Variants in PIK3R4 observed in about 807,000 individuals in gnomAD.
PIK3R4 encodes the protein phosphoinositide-3-kinase regulatory subunit 4.
A neutral mutation model predicts 136.5 loss-of-function variants in PIK3R4; 46 were observed. That is an observed-to-expected ratio of 0.34 (90% confidence interval 0.27 to 0.43). PIK3R4 has a LOEUF of 0.43. Among genes scored for constraint, PIK3R4 ranks in the 20% least tolerant of loss-of-function variants. The pLI is 1.00. For missense variants in PIK3R4, 1,331 were observed against 1,649.5 expected (o/e 0.81, Z 3.35); for synonymous variants, 557 against 566.7 (o/e 0.98, Z 0.24).
chr3:130,717,125 C>T (rs899730564), intron 8 of PIK3R4, among the ~76,000 whole-genome samples: 3 of 151,956 alleles, frequency 2.0e-5, no homozygotes, highest in Admixed American at 6.5e-5. Flanking sequence ...TGGATGAGTA[C>T]TGCTAAAAGT....
At chr3:130,705,450 C>T (rs898163203) in intron 12 of PIK3R4, 111 bp downstream of exon 12, 7 of 696,394 alleles carry the variant, frequency 1.0e-5, no homozygotes, top group East Asian at 5.1e-5. Flanking sequence ...TCCCAAATAA[C>T]ATTTTTGTTC....
At chr3:130,735,510 C>T (rs901012227) in intron 3 of PIK3R4, among the ~76,000 whole-genome samples, 9 of 152,068 alleles carry the variant, frequency 5.9e-5, no homozygotes, top group Non-Finnish European at 1.3e-4. Context: ...ATTTCCTGTC[C>T]CCTCCATTTC....
chr3:130,712,248 A>T (rs1342201739), intron 9 of PIK3R4, among the ~76,000 whole-genome samples: 1 of 152,218 alleles, frequency 6.6e-6, no homozygotes, highest in African/African-American at 2.4e-5. Flanking sequence ...ATGTGTCTCA[A>T]GTACAGTCCC....
Position 130,679,388 on chromosome 3 carries a change from A to G in PIK3R4, c.4004T>C (p.Val1335Ala). The G allele has an allele frequency of 6.2e-7, 1 of 1,613,242 alleles. No individual in the cohort carries two copies. The highest frequency in any genetic ancestry group is 1.7e-5 in the Admixed American group (1 of 60,014). Residue 1335 changes from valine to alanine, a missense_variant, in exon 20 of 20, where the codon GTC becomes GCC. Physicochemically the swap from Val to Ala is moderately conservative, Grantham distance 64. Coordinates refer to ENST00000356763, the MANE Select transcript of PIK3R4 (RefSeq NM_014602.3). ...PVGHHDIITD[V>A]ATFQTTQGFI... ...GCCCTGTGTGGTCTGGAATGTGGCG[A>G]CATCAGTGATGATGTCATGATGTCC...
intron 3 of PIK3R4, among the ~76,000 whole-genome samples, chr3:130,734,488 C>T (rs549405795): frequency 6.6e-6 from 1 of 152,320 alleles, no homozygotes; most frequent in South Asian, 2.1e-4. Flanking sequence ...TGTATACACA[C>T]AATTTTTGCA....
intron 8 of PIK3R4, among the ~76,000 whole-genome samples, chr3:130,718,183 G>A (rs1204088318): frequency 6.6e-6 from 1 of 152,118 alleles, no homozygotes; most frequent in Non-Finnish European, 1.5e-5. Flanking sequence ...GATATAACAT[G>A]ATGTAAAACA....
chr3:130,734,992 T>C (rs1350271896), intron 3 of PIK3R4, among the ~76,000 whole-genome samples: 1 of 152,136 alleles, frequency 6.6e-6, no homozygotes, highest in Non-Finnish European at 1.5e-5. Context: ...TTAAACAAAT[T>C]CACTTCTTTC....
At chr3:130,717,638 A>G (rs1460875143) in intron 8 of PIK3R4, among the ~76,000 whole-genome samples, 1 of 152,230 alleles carries the variant, frequency 6.6e-6, no homozygotes, top group Admixed American at 6.5e-5. Context: ...CCTAGTTTCC[A>G]GAGTTTATCC....
chr3:130,680,653 G>T lies in PIK3R4; in HGVS notation c.3866C>A (p.Ser1289Tyr), dbSNP rs2066452139. ...VAGSTSSPSV[S>Y]YYRKIIEGTE... is the part of the protein sequence containing the mutation. The stretch of plus-strand genomic sequence containing the variant: ...GCCTTCAATTATTTTCCTGTAGTAG[G>T]ACACAGATGGGGAACTAGTACTTCC... Residue 1289 changes from serine to tyrosine, a missense_variant, in exon 19 of 20, where the codon TCC becomes TAC. Ser to Tyr is a moderately radical substitution (Grantham distance 144, BLOSUM62 -2). Around this residue, in one of 2 missense-constraint regions of PIK3R4, gnomAD observed 1,180 missense variants for 1,407.0 expected, o/e 0.84. Coordinates refer to ENST00000356763, the MANE Select transcript of PIK3R4 (RefSeq NM_014602.3). The T allele has an allele frequency of 6.2e-7, 1 of 1,612,430 alleles. No homozygotes were observed. Among genetic ancestry groups the T allele is most frequent in the African/African-American group, 1.3e-5 (1 of 74,860 alleles).
intron 6 of PIK3R4, among the ~76,000 whole-genome samples, chr3:130,724,792 T>C (rs751828420): frequency 4.6e-5 from 7 of 151,986 alleles, no homozygotes; most frequent in Non-Finnish European, 1.0e-4. Context: ...GATCAAGGCA[T>C]GTTATGAGTG....
intron 4 of PIK3R4, among the ~76,000 whole-genome samples, chr3:130,731,874 A>G (rs1319275383): frequency 6.6e-6 from 1 of 152,202 alleles, no homozygotes; most frequent in Non-Finnish European, 1.5e-5. Flanking sequence ...GCACACACCT[A>G]TAGTGCTTGG....
chr3:130,696,733 G>A (rs1353591689), intron 13 of PIK3R4, among the ~76,000 whole-genome samples: 1 of 152,096 alleles, frequency 6.6e-6, no homozygotes. Context: ...GTTCCTGAGT[G>A]GAGTATTCTA....
At chr3:130,683,577 G>A (rs898692649) in intron 16 of PIK3R4, among the ~76,000 whole-genome samples, 14 of 152,264 alleles carry the variant, frequency 9.2e-5, no homozygotes, top group East Asian at 3.9e-4. Flanking sequence ...TTGGCAACAC[G>A]GTGACTTTGA....
chr3:130,679,572 C>CTGTT, intron 19 of PIK3R4, 87 bp from the exon 20 acceptor site: 1 of 874,100 alleles, frequency 1.1e-6, no homozygotes. Flanking sequence ...TTCTGAGATA[C>CTGTT]TGTTGTTGTA....
intron 2 of PIK3R4, among the ~76,000 whole-genome samples, chr3:130,740,247 G>A (rs1367938352): frequency 2.0e-5 from 3 of 152,168 alleles, no homozygotes; most frequent in African/African-American, 7.2e-5. Flanking sequence ...TATTAAAGGA[G>A]GCTAAAGAGA....
intron 14 of PIK3R4, among the ~76,000 whole-genome samples, chr3:130,687,659 A>G (rs1455506853): frequency 6.6e-6 from 1 of 152,118 alleles, no homozygotes; most frequent in Non-Finnish European, 1.5e-5. Context: ...TATTTATACC[A>G]CTATGGATTC....
chr3:130,681,344 A>G, intron 17 of PIK3R4, 147 bp downstream of exon 17: 1 of 647,940 alleles, frequency 1.5e-6, no homozygotes, highest in Non-Finnish European at 2.8e-6. Context: ...CTCATGTAGC[A>G]ATGGCCACAT....
chr3:130,732,828 G>A (rs142843442), intron 4 of PIK3R4, among the ~76,000 whole-genome samples: 1,518 of 149,208 alleles, frequency 0.01, 36 homozygotes, highest in African/African-American at 0.034. Context: ...TACCACACAC[G>A]TACTATTTAC....
intron 13 of PIK3R4, among the ~76,000 whole-genome samples, chr3:130,693,024 A>G (rs2066527234): frequency 6.6e-6 from 1 of 152,128 alleles, no homozygotes; most frequent in South Asian, 2.1e-4. Context: ...GGCAATTACT[A>G]ATCTACTTTG....
Sources: allele counts gnomAD v4.1 joint callset (sites outside exome capture counted in the v4.1 genomes callset), GRCh38; gene constraint gnomAD v4.1.1; regional missense constraint gnomAD v4.1.1; transcripts MANE v1.5; gene names NCBI Gene and HGNC (gene_info 2026-07-23, HGNC 2026-07-21).